MBOAT1: variants seen among roughly 807,000 people sequenced by gnomAD.
MBOAT1 encodes the protein membrane bound glycerophospholipid O-acyltransferase 1.
Under a neutral mutation model 64.4 loss-of-function variants are expected in MBOAT1, and 67 were observed. That is an observed-to-expected ratio of 1.04 (90% CI 0.85 to 1.27). The LOEUF is 1.27. Among genes scored for constraint, MBOAT1 ranks in the 50% most tolerant of loss-of-function variants. The pLI is 0.00. For missense variants in MBOAT1, 563 were observed against 604.6 expected (o/e 0.93, Z 0.72); for synonymous variants, 229 against 218.9 (o/e 1.05, Z -0.41).
chr6:20,102,451 G>T lies in MBOAT1; in HGVS notation c.1362-39C>A, dbSNP rs781638600. The T allele has an allele frequency of 9.1e-6, 14 of 1,537,104 alleles. No individual in the cohort carries two copies. The Admixed American group carries it at 2.4e-4, about 27-fold the overall frequency. On this transcript the variant is annotated intron_variant, in intron 12 of 12. Transcript: ENST00000324607. ...TATACAAAAATTATATTTCAAATAA[G>T]GATGTAGATGGGAAACACCACCTAA...
At chr6:20,108,308 T>G (rs1026942632) in intron 12 of MBOAT1, among the ~76,000 whole-genome samples, 29 of 152,198 alleles carry the variant, frequency 1.9e-4, no homozygotes, top group African/African-American at 7.0e-4. Context: ...ACTGAGGGCT[T>G]CTTTTTGGCT....
At chr6:20,111,869 CAT>C (rs1196064015) in intron 11 of MBOAT1, among the ~76,000 whole-genome samples, 8 of 124,290 alleles carry the variant, frequency 6.4e-5, no homozygotes, top group African/African-American at 3.1e-4. Flanking sequence ...CATATATATA[CAT>C]ATATATATGT....
At chr6:20,186,739 G>A (rs985444912) in intron 1 of MBOAT1, among the ~76,000 whole-genome samples, 6 of 152,236 alleles carry the variant, frequency 3.9e-5, no homozygotes, top group African/African-American at 7.2e-5. Flanking sequence ...AGACAACTAC[G>A]TGAGAGAGAC....
intron 12 of MBOAT1, among the ~76,000 whole-genome samples, chr6:20,108,449 T>C (rs553567864): frequency 1.3e-5 from 2 of 152,328 alleles, no homozygotes; most frequent in African/African-American, 4.8e-5. Flanking sequence ...AAAGCATATA[T>C]TGTAACAGCA....
At chr6:20,123,928 G>C (rs1760572755) in intron 8 of MBOAT1, among the ~76,000 whole-genome samples, 1 of 152,080 alleles carries the variant, frequency 6.6e-6, no homozygotes, top group Non-Finnish European at 1.5e-5. Context: ...TGTGGTGGCG[G>C]ACGCCTGTAG....
intron 12 of MBOAT1, among the ~76,000 whole-genome samples, chr6:20,106,391 G>T (rs1759957427): frequency 6.6e-6 from 1 of 152,066 alleles, no homozygotes; most frequent in Non-Finnish European, 1.5e-5. Context: ...CATCTCAGAT[G>T]GCACAGATGT....
intron 5 of MBOAT1, among the ~76,000 whole-genome samples, chr6:20,130,727 C>T (rs1352828506): frequency 1.3e-5 from 2 of 151,542 alleles, no homozygotes; most frequent in East Asian, 3.9e-4. Context: ...CAAAAACCAA[C>T]CTAGCATTTA....
intron 1 of MBOAT1, among the ~76,000 whole-genome samples, chr6:20,172,976 G>A (rs1411271837): frequency 6.6e-6 from 1 of 152,160 alleles, no homozygotes; most frequent in African/African-American, 2.4e-5. Context: ...TCCCCTTGGT[G>A]CTGTTCTCGT....
At chr6:20,171,840 C>T (rs1762207094) in intron 1 of MBOAT1, among the ~76,000 whole-genome samples, 1 of 151,910 alleles carries the variant, frequency 6.6e-6, no homozygotes, top group African/African-American at 2.4e-5. Flanking sequence ...TGAAGACCAG[C>T]CTGGGCAACA....
At chr6:20,140,192 C>G (rs1761130018) in intron 4 of MBOAT1, among the ~76,000 whole-genome samples, 1 of 152,194 alleles carries the variant, frequency 6.6e-6, no homozygotes, top group South Asian at 2.1e-4. Flanking sequence ...ACCCCCAATC[C>G]TTTCAGCATT....
intron 3 of MBOAT1, among the ~76,000 whole-genome samples, chr6:20,149,705 G>A (rs974382425): frequency 7.9e-5 from 12 of 152,270 alleles, no homozygotes; most frequent in African/African-American, 2.9e-4. Context: ...TGGATTCTAT[G>A]TTGAATGACT....
intron 1 of MBOAT1, among the ~76,000 whole-genome samples, chr6:20,167,417 G>T (rs1762044856): frequency 6.6e-6 from 1 of 152,152 alleles, no homozygotes; most frequent in African/African-American, 2.4e-5. Context: ...CAGCATAGGG[G>T]GCTGTTAATC....
At chr6:20,207,360 G>A (rs745508360) in intron 1 of MBOAT1, among the ~76,000 whole-genome samples, 23 of 152,124 alleles carry the variant, frequency 1.5e-4, no homozygotes, top group Non-Finnish European at 5.9e-5. Context: ...TCAAACTTTA[G>A]TTGGCATAAG....
chr6:20,110,194 C>T (rs1760095783), intron 11 of MBOAT1, among the ~76,000 whole-genome samples: 1 of 149,456 alleles, frequency 6.7e-6, no homozygotes, highest in African/African-American at 2.4e-5. Context: ...CAGGCGTGAG[C>T]CACCGCGCCC....
intron 3 of MBOAT1, 61 bp from the exon 4 acceptor site, chr6:20,144,376 G>A: frequency 1.9e-6 from 2 of 1,069,218 alleles, no homozygotes; most frequent in South Asian, 2.7e-5. Context: ...CTCAATTAAT[G>A]TTCCCCTCTT....
chr6:20,118,544 T>C lies in MBOAT1; in HGVS notation c.908-4A>G. ...GCTGCGTTATTCACTGCATCAGCTA[T>C]GGTTTTTAAAGTAACACATTAGGAT... On this transcript the variant is annotated splice_polypyrimidine_tract_variant and splice_region_variant and intron_variant, in intron 8 of 12. Transcript: ENST00000324607. 4 of 1,611,786 alleles carry C rather than the reference T, an allele frequency of 2.5e-6. No homozygotes were observed. Among genetic ancestry groups the C allele is most frequent in the Non-Finnish European group, 3.4e-6 (4 of 1,178,576 alleles).
rs375225404 is a variant in MBOAT1 at position 20,160,993 on chromosome 6, C to T, written c.100-8224G>A. ...TCTAATTCAGGGGTTCCCAACCCCC[C>T]GGGCCACAGACCAGTACTGGTCCAT... On this transcript the variant is annotated intron_variant, in intron 1 of 12. Coordinates refer to ENST00000324607, the MANE Select transcript of MBOAT1 (RefSeq NM_001080480.3). 5.9e-5 allele frequency among the ~76,000 whole-genome samples: 9 copies of T among 152,312 alleles called. No homozygotes were observed. The South Asian group carries it at 6.2e-4, about 11-fold the overall frequency.
intron 1 of MBOAT1, among the ~76,000 whole-genome samples, chr6:20,175,843 ATCCTCCCACCTTG>A (rs1457521872): frequency 6.6e-6 from 1 of 152,010 alleles, no homozygotes; most frequent in Non-Finnish European, 1.5e-5. Context: ...GGCTCAAGTG[ATCCTCCCACCTTG>A]GCCTCCCAAA....
chr6:20,172,851 G>A (rs1438153313), intron 1 of MBOAT1, among the ~76,000 whole-genome samples: 5 of 152,194 alleles, frequency 3.3e-5, no homozygotes, highest in Admixed American at 3.3e-4. Context: ...ATATGGGTTG[G>A]ATCAGTGTCC....
Sources: gnomAD v4.1 joint callset for allele counts (sites outside exome capture counted in the v4.1 genomes callset) on GRCh38, gnomAD v4.1.1 for gene constraint, MANE v1.5 for transcripts, NCBI Gene and HGNC (gene_info 2026-07-23, HGNC 2026-07-21) for gene names.